The following GOLGA4 variants were observed in gnomAD, a reference collection of about 807,000 sequenced individuals.
GOLGA4 encodes golgin subfamily A member 4.
A neutral mutation model predicts 265.9 loss-of-function variants in GOLGA4; 169 were observed. The observed-to-expected ratio is 0.64, with a 90% CI of 0.56 to 0.72. GOLGA4 has a LOEUF of 0.72. Ranked by LOEUF, GOLGA4 falls within the 30% of genes least tolerant of loss-of-function variation. The pLI, the probability that GOLGA4 is intolerant of heterozygous loss-of-function variation, is 0.00. For synonymous variants in GOLGA4, 923 were observed against 855.8 expected, an observed-to-expected ratio of 1.08 and a Z score of -1.37; for missense variants, 2,482 against 2,483.4, an observed-to-expected ratio of 1.00 and a Z score of 0.01.
At chr3:37,352,961 G>A (rs138748358) in intron 21 of GOLGA4, among the ~76,000 whole-genome samples, 7 of 152,184 alleles carry the variant, frequency 4.6e-5, no homozygotes, top group African/African-American at 1.7e-4. Context: ...TGAGAGGCAT[G>A]CGAGTCTTCC....
chr3:37,359,221 A>C (rs2097098208), intron 22 of GOLGA4, among the ~76,000 whole-genome samples: 1 of 152,156 alleles, frequency 6.6e-6, no homozygotes, highest in African/African-American at 2.4e-5. Context: ...GTAGCACAAT[A>C]TGGGCAAGAG....
chr3:37,335,032 CTTTTTTTT>C lies in GOLGA4; in HGVS notation c.6193-19_6193-12del, dbSNP rs760288150. 32 of 1,353,342 alleles carry C rather than the reference CTTTTTTTT, an allele frequency of 2.4e-5. No individual in the cohort carries two copies. The highest frequency in any genetic ancestry group is 3.2e-5 in the Non-Finnish European group (32 of 991,272). 83.8% of individuals were successfully genotyped at this position (1,353,342 alleles called of 1,614,324 possible). A position where few individuals can be genotyped will look rare whatever the true frequency, so the allele number is the denominator to read the frequency against. On this transcript the variant is annotated splice_polypyrimidine_tract_variant and intron_variant, in intron 16 of 23. Coordinates refer to ENST00000361924, the MANE Select transcript of GOLGA4 (RefSeq NM_002078.5). ...TTCTTTTTTTTCTTTTCCTTTTTTT[CTTTTTTTT>C]TAAATCCTAAAGGCTCGTGAAGAAG...
rs375602438 is a variant in GOLGA4 at position 37,346,068 on chromosome 3, T to A, written c.6473-1125T>A. On this transcript the variant is annotated intron_variant, in intron 20 of 23. Transcript: ENST00000361924. Reference sequence around the variant, plus strand: ...TACTCAAATATGATATATAGAAGGATATATTACTCAGGGGAAATAATGTGT... The same window carrying A: ...TACTCAAATATGATATATAGAAGGAAATATTACTCAGGGGAAATAATGTGT... Among the ~76,000 whole-genome samples, 6 of 152,270 alleles carry A rather than the reference T, an allele frequency of 3.9e-5. No individual in the cohort carries two copies. In the East Asian group the frequency reaches 7.7e-4, roughly 20 times the overall value.
At chr3:37,258,178 A>G (rs2096759169) in intron 2 of GOLGA4, among the ~76,000 whole-genome samples, 1 of 145,370 alleles carries the variant, frequency 6.9e-6, no homozygotes, top group Non-Finnish European at 1.5e-5. Flanking sequence ...TATATAGCAT[A>G]TATATGCTCT....
chr3:37,269,216 T>C (rs1386979828), intron 2 of GOLGA4, among the ~76,000 whole-genome samples: 1 of 152,224 alleles, frequency 6.6e-6, no homozygotes, highest in African/African-American at 2.4e-5. Flanking sequence ...TTGACATGTA[T>C]TGAGCTAGTT....
chr3:37,262,168 A>C (rs1419269774), intron 2 of GOLGA4, among the ~76,000 whole-genome samples: 1 of 152,220 alleles, frequency 6.6e-6, no homozygotes, highest in Non-Finnish European at 1.5e-5. Context: ...AAAGAGGCCA[A>C]AACAAAACTA....
intron 23 of GOLGA4, 39 bp downstream of exon 23, chr3:37,361,344 A>G: frequency 6.9e-7 from 1 of 1,450,922 alleles, no homozygotes; most frequent in Non-Finnish European, 9.7e-7. Context: ...TTGTGCAAAA[A>G]TCAAATGTGT....
rs1366201323 is a variant in GOLGA4, at chr3:37,275,845, TGCTATTC to T, written c.163-6110_163-6104del. ...CCACAAGAATCGGAATGTCAGTTAATGCTATTCGCAAGCAGAGTACAGATGAGGAAGT... is the reference window on the plus strand; with the variant it reads ...CCACAAGAATCGGAATGTCAGTTAATGCAAGCAGAGTACAGATGAGGAAGT... On this transcript the variant is annotated intron_variant, in intron 2 of 23. Transcript: ENST00000361924. 1.9e-6 allele frequency: 3 copies of T among 1,613,670 alleles called. No homozygotes were observed. The East Asian group carries it at 6.7e-5, about 36-fold the overall frequency.
chr3:37,282,333 T>A, intron 3 of GOLGA4, 61 bp downstream of exon 3: 2 of 1,200,326 alleles, frequency 1.7e-6, no homozygotes, highest in Non-Finnish European at 2.4e-6. Context: ...TCATTCATAT[T>A]ACTGTATTGC....
rs1192311358 is a variant in GOLGA4 at position 37,339,335 on chromosome 3, A to G, written c.6397-789A>G. On this transcript the variant is annotated intron_variant, in intron 19 of 23. Transcript: ENST00000361924. The stretch of plus-strand genomic sequence containing the variant: ...ACATTTGGGTTGTTTCCTTTTGCCT[A>G]TAGTGAACAGTGCTACTAAAAACAT... 3.3e-5 allele frequency among the ~76,000 whole-genome samples: 5 copies of G among 152,214 alleles called. No individual in the cohort carries two copies. The South Asian group carries it at 6.2e-4, about 19-fold the overall frequency.
rs1454639487 is a variant in GOLGA4 at position 37,326,805 on chromosome 3, TGAA to T, written c.4922_4924del (p.Lys1641del). On this transcript the variant is annotated inframe_deletion, in exon 14 of 24. Transcript: ENST00000361924. ...GAAAGTGCTGCAAAATTAGCAGAGT[TGAA>T]GAGAAAAGCTGAACAAAAAATTGCT... 5 of 1,613,744 alleles carry T rather than the reference TGAA, an allele frequency of 3.1e-6. No individual in the cohort carries two copies. Among genetic ancestry groups the T allele is most frequent in the South Asian group, 1.1e-5 (1 of 91,056 alleles).
intron 10 of GOLGA4, among the ~76,000 whole-genome samples, chr3:37,308,628 T>TATA (rs199736929): frequency 3.8e-4 from 57 of 150,252 alleles, no homozygotes; most frequent in Non-Finnish European, 7.6e-4. Context: ...ATATATATAT[T>TATA]TTTTTGAGAC....
At chr3:37,364,022 A>G (rs185859864) in intron 23 of GOLGA4, among the ~76,000 whole-genome samples, 11 of 152,316 alleles carry the variant, frequency 7.2e-5, no homozygotes, top group East Asian at 5.8e-4. Context: ...TAGGACCAAC[A>G]TGATTATTGA....
At chr3:37,350,166 G>GTATGTAGAGTACTTCCTTACTTCCC (rs1472621529) in intron 21 of GOLGA4, among the ~76,000 whole-genome samples, 1 of 152,180 alleles carries the variant, frequency 6.6e-6, no homozygotes, top group East Asian at 1.9e-4. Flanking sequence ...CCCAGGGCCT[G>GTATGTAGAGTACTTCCTTACTTCCC]AGGATATTGT....
At chr3:37,337,434 C>T (rs1256410063) in intron 18 of GOLGA4, among the ~76,000 whole-genome samples, 3 of 152,092 alleles carry the variant, frequency 2.0e-5, no homozygotes, top group African/African-American at 7.2e-5. Flanking sequence ...TGGTCTCAAA[C>T]TCCTGAGCTC....
At chr3:37,360,740 A>T (rs1224164286) in intron 22 of GOLGA4, among the ~76,000 whole-genome samples, 1 of 152,192 alleles carries the variant, frequency 6.6e-6, no homozygotes, top group African/African-American at 2.4e-5. Flanking sequence ...TTTCTGATAC[A>T]TTGTTGAATT....
rs373851177 is a variant in GOLGA4 at position 37,299,341 on chromosome 3, G to T, written c.1056G>T (p.Lys352Asn). 146 of 1,612,480 alleles carry T rather than the reference G, an allele frequency of 9.1e-5. No homozygotes were observed. Among genetic ancestry groups the T allele is most frequent in the Non-Finnish European group, 1.2e-4 (142 of 1,178,760 alleles). Residue 352 changes from lysine (K) to asparagine (N), a missense_variant, in exon 9 of 24, where the codon AAG becomes AAT. Lys to Asn is a moderately conservative substitution (Grantham distance 94). Transcript: ENST00000361924. ...TKLITQLRDAKNLIEQLEQDK... is the reference protein window; with the variant it reads ...TKLITQLRDANNLIEQLEQDK... The stretch of plus-strand genomic sequence containing the variant: ...TTATCACTCAGTTGCGTGATGCAAA[G>T]AACTTAATTGAACAGCTTGAACAAG...
chr3:37,343,895 T>C (rs146692327), intron 20 of GOLGA4, among the ~76,000 whole-genome samples: 173 of 152,374 alleles, frequency 1.1e-3, no homozygotes, highest in African/African-American at 3.9e-3. Context: ...CCATCACTTT[T>C]CGCCAGATTT....
At chr3:37,308,320 T>C (rs1275777224) in intron 10 of GOLGA4, among the ~76,000 whole-genome samples, 1 of 151,720 alleles carries the variant, frequency 6.6e-6, no homozygotes, top group Non-Finnish European at 1.5e-5. Context: ...GTTTATAGAA[T>C]GAATCTTGTT....
Sources: gnomAD v4.1 joint callset for allele counts (sites outside exome capture counted in the v4.1 genomes callset) on GRCh38, gnomAD v4.1.1 for gene constraint, MANE v1.5 for transcripts, NCBI Gene and HGNC (gene_info 2026-07-23, HGNC 2026-07-21) for gene names.